NMNAT3: variants seen among roughly 807,000 people sequenced by gnomAD.
NMNAT3 encodes nicotinamide/nicotinic acid mononucleotide adenylyltransferase 3.
NMNAT3 carries 21 observed loss-of-function variants against 24.8 expected under a neutral mutation model. That is an observed-to-expected ratio of 0.85 (90% CI 0.60 to 1.22). NMNAT3 has a LOEUF of 1.22. NMNAT3 is among the 50% of genes most tolerant of loss of function. The pLI, the probability that NMNAT3 is intolerant of heterozygous loss-of-function variation, is 0.00. For synonymous variants in NMNAT3, 136 were observed against 155.2 expected (o/e 0.88, Z 0.92); for missense variants, 387 against 436.6 (o/e 0.89, Z 1.01).
At chr3:139,666,912 G>C (rs537868178) in intron 1 of NMNAT3, among the ~76,000 whole-genome samples, 7 of 152,284 alleles carry the variant, frequency 4.6e-5, no homozygotes, top group African/African-American at 1.7e-4. Flanking sequence ...GCAAATGACA[G>C]AATTTCATTC....
intron 3 of NMNAT3, among the ~76,000 whole-genome samples, chr3:139,605,750 C>G (rs2054913892): frequency 6.6e-6 from 1 of 152,000 alleles, no homozygotes; most frequent in African/African-American, 2.4e-5. Context: ...CTTGTTTTTA[C>G]CATACTACGC....
intron 3 of NMNAT3, among the ~76,000 whole-genome samples, chr3:139,625,255 G>A (rs984437808): frequency 6.6e-6 from 1 of 152,180 alleles, no homozygotes; most frequent in African/African-American, 2.4e-5. Flanking sequence ...CTTATTTATA[G>A]TTGGGTCTTG....
chr3:139,644,137 CT>C (rs1402082896), intron 1 of NMNAT3, among the ~76,000 whole-genome samples: 1 of 152,202 alleles, frequency 6.6e-6, no homozygotes, highest in African/African-American at 2.4e-5. Flanking sequence ...AACAAATACC[CT>C]TTTTATCATT....
intron 3 of NMNAT3, among the ~76,000 whole-genome samples, chr3:139,605,036 TC>T (rs1458497356): frequency 2.0e-5 from 3 of 151,676 alleles, no homozygotes; most frequent in Non-Finnish European, 4.4e-5. Context: ...CTGATCCTTA[TC>T]CCATAACTTA....
At chr3:139,570,362 C>T (rs898005927) in intron 6 of NMNAT3, 5 of 152,252 alleles carry the variant, frequency 3.3e-5, no homozygotes, top group African/African-American at 1.2e-4. Flanking sequence ...CATTCTCTGT[C>T]CAACTTTGTT....
chr3:139,579,043 A>T lies in NMNAT3; in HGVS notation c.404T>A (p.Val135Asp), dbSNP rs761463315. ...GACAGGAGAGATGATACCCTGGATG[A>T]CCTGGTACATTCCTAGGTAAGAGAG... is the stretch of plus-strand genomic sequence containing the variant. The change falls in exon 5 of 7, where the codon GTC (valine) becomes GAC (aspartate). Residue 135 changes from valine (V) to aspartate (D), a missense_variant. By Grantham distance (152) the Val-to-Asp change is radical. Around this residue, in one of 3 missense-constraint regions of NMNAT3, gnomAD observed 323 missense variants for 345.2 expected, o/e 0.94. Coordinates refer to ENST00000643695, the MANE Select transcript of NMNAT3 (RefSeq NM_001320510.2). The T allele has an allele frequency of 8.7e-6, 14 of 1,613,556 alleles. No homozygotes were observed. The highest frequency in any genetic ancestry group is 1.3e-5 in the African/African-American group (1 of 74,922).
intron 1 of NMNAT3, among the ~76,000 whole-genome samples, chr3:139,674,524 T>C (rs1349646190): frequency 6.6e-6 from 1 of 152,212 alleles, no homozygotes; most frequent in Non-Finnish European, 1.5e-5. Context: ...CTCAAAGTGG[T>C]TTAACATAGA....
In NMNAT3 at chr3:139,627,727, T is replaced by C. The variant is rs771663615; in HGVS notation, c.-3A>G. ...ACCACAGGTATTCGGCTCTTCATCT[T>C]GTCAGGCACATCCACACCTGTTGCA... On this transcript the variant is annotated 5_prime_UTR_variant, in exon 3 of 7. Transcript: ENST00000643695. 1.3e-6 allele frequency: 2 copies of C among 1,582,778 alleles called. No homozygotes were observed. The highest frequency in any genetic ancestry group is 2.7e-5 in the African/African-American group (2 of 74,434).
At chr3:139,640,379 C>G (rs755556448) in intron 1 of NMNAT3, among the ~76,000 whole-genome samples, 3 of 152,156 alleles carry the variant, frequency 2.0e-5, no homozygotes, top group Non-Finnish European at 2.9e-5. Flanking sequence ...TATAGGGTGA[C>G]AGTTGTCTCC....
intron 1 of NMNAT3, among the ~76,000 whole-genome samples, chr3:139,656,472 G>A (rs1484746745): frequency 1.3e-5 from 2 of 152,222 alleles, no homozygotes; most frequent in African/African-American, 4.8e-5. Context: ...CTGCTCTCAC[G>A]GAACTCATTT....
chr3:139,656,087 T>C (rs2057231473), intron 1 of NMNAT3, among the ~76,000 whole-genome samples: 1 of 152,232 alleles, frequency 6.6e-6, no homozygotes, highest in African/African-American at 2.4e-5. Context: ...CAATCTCTCC[T>C]AAACAAGACT....
At chr3:139,588,236 G>C in intron 3 of NMNAT3, among the ~76,000 whole-genome samples, 1 of 152,060 alleles carries the variant, frequency 6.6e-6, no homozygotes, top group Admixed American at 6.5e-5. Context: ...GTATGAAAAT[G>C]ATTCATCTGC....
chr3:139,666,194 A>G (rs956692950), intron 1 of NMNAT3, among the ~76,000 whole-genome samples: 4 of 152,172 alleles, frequency 2.6e-5, no homozygotes, highest in Non-Finnish European at 4.4e-5. Flanking sequence ...TGCCTCCCAC[A>G]GAGAGGTGGG....
At chr3:139,639,511 A>C (rs906461403) in intron 1 of NMNAT3, among the ~76,000 whole-genome samples, 4 of 152,202 alleles carry the variant, frequency 2.6e-5, no homozygotes, top group Non-Finnish European at 5.9e-5. Flanking sequence ...TTGGAGCAAA[A>C]GACAGGCATG....
chr3:139,633,740 G>A (rs1022347905), intron 2 of NMNAT3, among the ~76,000 whole-genome samples: 2 of 152,136 alleles, frequency 1.3e-5, no homozygotes, highest in African/African-American at 4.8e-5. Flanking sequence ...TATGGCTCAC[G>A]TGTAGGCAGG....
intron 2 of NMNAT3, 58 bp from the exon 4 acceptor site, chr3:139,627,822 C>T: frequency 1.6e-6 from 1 of 626,188 alleles, no homozygotes; most frequent in South Asian, 2.2e-5. Flanking sequence ...TTATCCAGAT[C>T]AGTCTCTCTA....
intron 3 of NMNAT3, among the ~76,000 whole-genome samples, chr3:139,623,013 A>T (rs1157409070): frequency 6.6e-6 from 1 of 151,140 alleles, no homozygotes; most frequent in Non-Finnish European, 1.5e-5. Flanking sequence ...TATTTAAACT[A>T]CGCTAAATTT....
chr3:139,593,492 A>G (rs958391455), intron 3 of NMNAT3, among the ~76,000 whole-genome samples: 6 of 152,166 alleles, frequency 3.9e-5, no homozygotes, highest in African/African-American at 1.4e-4. Flanking sequence ...CTCTACCCCA[A>G]ATCAACAGAA....
intron 6 of NMNAT3, chr3:139,570,776 C>T (rs295517): frequency 0.36 from 54,866 of 152,522 alleles, 10,869 homozygotes; most frequent in South Asian, 0.61. Context: ...CCCAGTTAGG[C>T]TACTCGGGGG....
Sources: allele counts gnomAD v4.1 joint callset (sites outside exome capture counted in the v4.1 genomes callset), GRCh38; gene constraint gnomAD v4.1.1; regional missense constraint gnomAD v4.1.1; transcripts MANE v1.5; gene names NCBI Gene and HGNC (gene_info 2026-07-23, HGNC 2026-07-21).